GALNT1: variants seen among roughly 807,000 people sequenced by gnomAD.
The protein encoded by GALNT1 is GalNAc transferase 1.
GALNT1 carries 17 observed loss-of-function variants against 65.7 expected under a neutral mutation model. The ratio of observed to expected loss-of-function variants is 0.26; its 90% CI spans 0.18 to 0.39. The LOEUF (loss-of-function observed/expected upper bound fraction) is 0.39. Among genes scored for constraint, GALNT1 ranks in the 10% least tolerant of loss-of-function variants. The pLI is 1.00. For synonymous variants in GALNT1, 210 were observed against 219.7 expected (o/e 0.96, Z 0.39); for missense variants, 460 against 672.8 (o/e 0.68, Z 3.50).
intron 1 of GALNT1, among the ~76,000 whole-genome samples, chr18:35,613,012 C>T (rs1467473783): frequency 1.3e-5 from 2 of 152,144 alleles, no homozygotes; most frequent in African/African-American, 4.8e-5. Flanking sequence ...GTAATAGCTA[C>T]CTTGTTTAAG....
intron 1 of GALNT1, among the ~76,000 whole-genome samples, chr18:35,615,726 C>T (rs1172605675): frequency 1.3e-5 from 2 of 152,116 alleles, no homozygotes; most frequent in Non-Finnish European, 2.9e-5. Flanking sequence ...AGTGTGAAAA[C>T]AGTTAATGGC....
At chr18:35,641,500 A>T (rs529232071) in intron 1 of GALNT1, among the ~76,000 whole-genome samples, 24 of 152,354 alleles carry the variant, frequency 1.6e-4, no homozygotes, top group African/African-American at 5.5e-4. Context: ...CTACATTAGG[A>T]TCTTCACAGA....
chr18:35,665,380 CA>C (rs1568027479), intron 3 of GALNT1, among the ~76,000 whole-genome samples: 1 of 151,972 alleles, frequency 6.6e-6, no homozygotes, highest in Non-Finnish European at 1.5e-5. Context: ...ATTGAAATAA[CA>C]ATCAAGAAAT....
At chr18:35,580,947 C>T (rs1385961760), upstream of GALNT1, among the ~76,000 whole-genome samples, 1 of 152,168 alleles carries the variant, frequency 6.6e-6, no homozygotes, top group African/African-American at 2.4e-5. Context: ...AGGGCCCCGG[C>T]GTTGCTGCCC....
At chr18:35,590,220 C>T (rs1234566318) in intron 1 of GALNT1, among the ~76,000 whole-genome samples, 2 of 152,168 alleles carry the variant, frequency 1.3e-5, no homozygotes, top group Admixed American at 1.3e-4. Context: ...GTTGAGAGTG[C>T]ATCTCTGATT....
chr18:35,703,777 C>T lies in GALNT1; in HGVS notation c.1533+134C>T, dbSNP rs1598813148. 14 of 808,458 alleles carry T rather than the reference C, an allele frequency of 1.7e-5. No individual in the cohort carries two copies. In the East Asian group the frequency reaches 3.8e-4, roughly 22 times the overall value. The allele number at this position is 808,458 out of a possible 1,614,324, so 50.1% of individuals were successfully genotyped here. On this transcript the variant is annotated intron_variant, in intron 11 of 11. Coordinates refer to ENST00000269195, the MANE Select transcript of GALNT1 (RefSeq NM_020474.4). ...ACTTGTCTTATACACTAAATATTGA[C>T]AGGCGGGAAAAATAAGTAAAATAAA...
chr18:35,652,945 C>G (rs3810054), intron 1 of GALNT1, among the ~76,000 whole-genome samples: 14,519 of 152,286 alleles, frequency 0.095, 840 homozygotes, highest in African/African-American at 0.17. Context: ...AGCAATCAGA[C>G]TGCTTTGCCA....
intron 1 of GALNT1, among the ~76,000 whole-genome samples, chr18:35,612,982 G>A (rs1457020110): frequency 1.3e-5 from 2 of 152,086 alleles, no homozygotes; most frequent in Admixed American, 6.6e-5. Flanking sequence ...GTATGTTATA[G>A]GGAAGTAAGA....
intron 1 of GALNT1, among the ~76,000 whole-genome samples, chr18:35,608,164 T>A (rs11660642): frequency 0.1 from 15,623 of 152,212 alleles, 886 homozygotes; most frequent in Admixed American, 0.18. Context: ...TGTTTTTCAA[T>A]GAAGTTGTCT....
At position 35,645,224 on chromosome 18, in the gene GALNT1, T is replaced by G. The variant is rs1393059996; in HGVS notation, c.-103-9336T>G. ...TTTCATAGCTATTTTGAATGTTTTT[T>G]TTTTTTTTTTTTTTTTTTTTCTGGG... On this transcript the variant is annotated intron_variant, in intron 1 of 11. Transcript: ENST00000269195. Among the ~76,000 whole-genome samples the G allele has an allele frequency of 3.9e-3, 486 of 125,088 alleles. 8 individuals carry two copies. Among genetic ancestry groups the G allele is most frequent in the African/African-American group, 0.015 (476 of 32,672 alleles). 82.1% of individuals were successfully genotyped at this position (125,088 alleles called of 152,430 possible).
chr18:35,663,609 A>C lies in GALNT1; in HGVS notation c.140-19A>C, dbSNP rs779900121. The C allele has an allele frequency of 6.3e-7, 1 of 1,584,522 alleles. No homozygotes were observed. The highest frequency in any genetic ancestry group is 1.4e-5 in the African/African-American group (1 of 72,856). The stretch of plus-strand genomic sequence containing the variant: ...ATTGCTATGAAATTAATGTTAGTTA[A>C]GTTTCTTCCTATTCTTAGTTCTAGA... On this transcript the variant is annotated intron_variant, in intron 2 of 11. Coordinates refer to ENST00000269195, the MANE Select transcript of GALNT1 (RefSeq NM_020474.4).
chr18:35,582,398 C>T (rs930952593), intron 1 of GALNT1, among the ~76,000 whole-genome samples: 56 of 152,196 alleles, frequency 3.7e-4, no homozygotes, highest in Admixed American at 2.6e-4. Flanking sequence ...AATGAGATGT[C>T]ATTTACTCAT....
At chr18:35,642,320 A>G (rs2047174564) in intron 1 of GALNT1, among the ~76,000 whole-genome samples, 1 of 152,250 alleles carries the variant, frequency 6.6e-6, no homozygotes, top group South Asian at 2.1e-4. Context: ...ATCCAAGCAT[A>G]TGGATAAATC....
chr18:35,698,007 T>A (rs2048088221), intron 9 of GALNT1, among the ~76,000 whole-genome samples: 1 of 152,230 alleles, frequency 6.6e-6, no homozygotes, highest in Non-Finnish European at 1.5e-5. Context: ...TTGGGCACTT[T>A]CCACGTGACT....
intron 9 of GALNT1, 41 bp downstream of exon 9, chr18:35,692,361 T>C: frequency 7.9e-7 from 1 of 1,259,838 alleles, no homozygotes; most frequent in Non-Finnish European, 1.0e-6. Context: ...GGTTATTATG[T>C]TCTTACTTTT....
rs1394841079 is a variant in GALNT1, at chr18:35,711,722, G to A, written c.*1952G>A. ...TAAGGTTTTGTTTTAAATGGGAGAT[G>A]TAAGTGATTTAATTCATGGGTACTT... On this transcript the variant is annotated 3_prime_UTR_variant, in exon 12 of 12. Transcript: ENST00000269195. 3 of 152,204 alleles carry A rather than the reference G, an allele frequency of 2.0e-5. No individual in the cohort carries two copies. The highest frequency in any genetic ancestry group is 7.2e-5 in the African/African-American group (3 of 41,460). The allele number at this position is 152,204 out of a possible 1,614,324, so 9.4% of individuals were successfully genotyped here.
intron 2 of GALNT1, among the ~76,000 whole-genome samples, chr18:35,661,967 G>A (rs2047483493): frequency 6.6e-6 from 1 of 151,932 alleles, no homozygotes; most frequent in Admixed American, 6.6e-5. Context: ...TATGTTATCT[G>A]TGCCATCCAC....
intron 1 of GALNT1, among the ~76,000 whole-genome samples, chr18:35,617,242 A>G (rs915794492): frequency 3.3e-5 from 5 of 152,256 alleles, no homozygotes; most frequent in African/African-American, 7.2e-5. Context: ...CTTTGTTCTC[A>G]TATGGTCTGG....
intron 2 of GALNT1, among the ~76,000 whole-genome samples, chr18:35,657,245 G>A (rs907950555): frequency 3.3e-5 from 5 of 152,030 alleles, no homozygotes; most frequent in Non-Finnish European, 7.4e-5. Context: ...ACAGGCGCAC[G>A]CCACCACACC....
Sources: allele counts gnomAD v4.1 joint callset (sites outside exome capture counted in the v4.1 genomes callset), GRCh38; gene constraint gnomAD v4.1.1; transcripts MANE v1.5; gene names NCBI Gene and HGNC (gene_info 2026-07-23, HGNC 2026-07-21).